CNTNAP4: variants seen among roughly 807,000 people sequenced by gnomAD.
CNTNAP4 encodes contactin-associated protein-like 4.
CNTNAP4 carries 98 observed loss-of-function variants against 148.4 expected under a neutral mutation model. The observed-to-expected ratio is 0.66, with a 90% CI of 0.56 to 0.78. The LOEUF is 0.78. Ranked by LOEUF, CNTNAP4 falls within the 30% of genes least tolerant of loss-of-function variation. The pLI is 0.00. For missense variants in CNTNAP4, 1,935 were observed against 1,565.6 expected (o/e 1.24, Z -3.98); for synonymous variants, 730 against 565.1 (o/e 1.29, Z -4.14).
intron 3 of CNTNAP4, among the ~76,000 whole-genome samples, chr16:76,363,924 A>G (rs867533487): frequency 7.9e-5 from 12 of 152,120 alleles, no homozygotes; most frequent in Admixed American, 2.6e-4. Context: ...TGTGAGGTGC[A>G]TGTATATTGG....
intron 3 of CNTNAP4, among the ~76,000 whole-genome samples, chr16:76,396,212 G>A (rs1449118768): frequency 6.6e-6 from 1 of 152,170 alleles, no homozygotes; most frequent in Non-Finnish European, 1.5e-5. Context: ...TCAAGGGGAT[G>A]ACTTCACTTG....
At chr16:76,328,100 A>G (rs909233447) in intron 2 of CNTNAP4, among the ~76,000 whole-genome samples, 1 of 152,246 alleles carries the variant, frequency 6.6e-6, no homozygotes, top group African/African-American at 2.4e-5. Flanking sequence ...TCAAGGAAGT[A>G]GATCATAATT....
At chr16:76,489,249 C>T (rs2082127531) in intron 12 of CNTNAP4, among the ~76,000 whole-genome samples, 1 of 151,906 alleles carries the variant, frequency 6.6e-6, no homozygotes, top group Non-Finnish European at 1.5e-5. Flanking sequence ...ATTGTGATAT[C>T]ATTGGATTTT....
intron 19 of CNTNAP4, 22 bp downstream of exon 19, chr16:76,538,362 G>C (rs1287229561): frequency 5.2e-6 from 8 of 1,530,062 alleles, no homozygotes; most frequent in Non-Finnish European, 7.2e-6. Context: ...TTAGATGAGA[G>C]AGAGAAAATT....
intron 9 of CNTNAP4, among the ~76,000 whole-genome samples, chr16:76,465,282 C>G (rs1413478207): frequency 6.6e-6 from 1 of 152,140 alleles, no homozygotes; most frequent in Non-Finnish European, 1.5e-5. Flanking sequence ...GAGCTTCTCT[C>G]TGGTATTGCA....
chr16:76,560,234 A>G lies in CNTNAP4; in HGVS notation c.*1551A>G, dbSNP rs1332449556. 6.6e-6 allele frequency among the ~76,000 whole-genome samples: 1 copy of G among 152,188 alleles called. No homozygotes were observed. The highest frequency in any genetic ancestry group is 2.1e-4 in the South Asian group (1 of 4,828). ...TTGTCTACACCAGAAGAATCGGGAA[A>G]TATGTAAATTTAGCATTACTATCAT... On this transcript the variant is annotated 3_prime_UTR_variant, in exon 24 of 24. Coordinates refer to ENST00000611870, the MANE Select transcript of CNTNAP4 (RefSeq NM_033401.5).
At chr16:76,501,561 G>C (rs1342114034) in intron 15 of CNTNAP4, among the ~76,000 whole-genome samples, 1 of 152,106 alleles carries the variant, frequency 6.6e-6, no homozygotes, top group Admixed American at 6.5e-5. Flanking sequence ...GGCAGTGTTC[G>C]GAGACATTGT....
intron 1 of CNTNAP4, among the ~76,000 whole-genome samples, chr16:76,300,680 TGTA>T (rs1959865657): frequency 6.6e-6 from 1 of 152,204 alleles, no homozygotes; most frequent in Non-Finnish European, 1.5e-5. Context: ...CTCACAAAGT[TGTA>T]GTAAAGATTT....
At chr16:76,528,974 G>T (rs755376278) in intron 17 of CNTNAP4, among the ~76,000 whole-genome samples, 3 of 152,150 alleles carry the variant, frequency 2.0e-5, no homozygotes, top group Non-Finnish European at 1.5e-5. Context: ...AGGATGTCAT[G>T]CAAAGTAAAG....
At chr16:76,408,751 AT>A (rs559307483) in intron 3 of CNTNAP4, among the ~76,000 whole-genome samples, 1 of 151,954 alleles carries the variant, frequency 6.6e-6, no homozygotes, top group Non-Finnish European at 1.5e-5. Flanking sequence ...TATTATTACT[AT>A]TTTTTTAACA....
intron 8 of CNTNAP4, among the ~76,000 whole-genome samples, chr16:76,458,358 G>T (rs996622528): frequency 6.6e-6 from 1 of 152,078 alleles, no homozygotes; most frequent in African/African-American, 2.4e-5. Flanking sequence ...AATGTTGGGG[G>T]ATGGTTTCAG....
chr16:76,376,380 C>A (rs1056719750), intron 3 of CNTNAP4, among the ~76,000 whole-genome samples: 5 of 152,128 alleles, frequency 3.3e-5, no homozygotes, highest in African/African-American at 9.6e-5. Context: ...AAAGGCCATT[C>A]GAGAGCGTAT....
chr16:76,288,061 C>T (rs757535367), intron 1 of CNTNAP4, among the ~76,000 whole-genome samples: 16 of 152,038 alleles, frequency 1.1e-4, no homozygotes, highest in South Asian at 2.1e-4. Context: ...ATAACTCCCA[C>T]GTGTCAAGGA....
Position 76,448,262 on chromosome 16 carries a change from C to T in CNTNAP4, c.742+47C>T, listed in dbSNP as rs371674707. Reference sequence around the variant, plus strand: ...CTCAAAAATCTGATTATTTAGATATCACCTAAGTCACTTTATGCTTTTATA... The same window carrying T: ...CTCAAAAATCTGATTATTTAGATATTACCTAAGTCACTTTATGCTTTTATA... On this transcript the variant is annotated intron_variant, in intron 5 of 23. Coordinates refer to ENST00000611870, the MANE Select transcript of CNTNAP4 (RefSeq NM_033401.5). 19 of 1,326,358 alleles carry T rather than the reference C, an allele frequency of 1.4e-5. 1 individual carries two copies. The African/African-American group carries it at 2.6e-4, about 18-fold the overall frequency. 82.2% of individuals were successfully genotyped at this position (1,326,358 alleles called of 1,614,324 possible).
intron 8 of CNTNAP4, among the ~76,000 whole-genome samples, chr16:76,459,781 C>T (rs2080869648): frequency 6.6e-6 from 1 of 152,060 alleles, no homozygotes; most frequent in African/African-American, 2.4e-5. Context: ...TGGATGTAAA[C>T]CTGACTGGTA....
intron 3 of CNTNAP4, among the ~76,000 whole-genome samples, chr16:76,397,335 C>G (rs185012818): frequency 1.3e-5 from 2 of 151,812 alleles, no homozygotes; most frequent in African/African-American, 4.8e-5. Context: ...TAGTGATCCC[C>G]GAGCTACCAA....
rs201335424 is a variant in CNTNAP4 at position 76,303,863 on chromosome 16, C to CT, written c.86-12541dup. 2.8e-3 allele frequency among the ~76,000 whole-genome samples: 416 copies of CT among 151,020 alleles called. 3 individuals carry two copies. The highest frequency in any genetic ancestry group is 9.3e-3 in the African/African-American group (385 of 41,246). Reference sequence around the variant, plus strand: ...TTTTTAAGTAATTCAGTAAAATCCCCTTTTTTTTTAAGAGGGAAGGATAGC... The same window carrying CT: ...TTTTTAAGTAATTCAGTAAAATCCCCTTTTTTTTTTAAGAGGGAAGGATAGC... On this transcript the variant is annotated intron_variant, in intron 1 of 23. Transcript: ENST00000611870.
Position 76,392,061 on chromosome 16 carries a change from G to A in CNTNAP4, c.391-35391G>A, listed in dbSNP as rs1022358415. ...GCTGGAGTGAAGTGGCACAATCTCG[G>A]CTCACTGCAACGAGTTCTGCCTCCC... On this transcript the variant is annotated intron_variant, in intron 3 of 23. Coordinates refer to ENST00000611870, the MANE Select transcript of CNTNAP4 (RefSeq NM_033401.5). 2.0e-5 allele frequency among the ~76,000 whole-genome samples: 3 copies of A among 152,132 alleles called. No homozygotes were observed. In the East Asian group the frequency reaches 5.8e-4, roughly 29 times the overall value.
chr16:76,296,848 C>T (rs921887003), intron 1 of CNTNAP4, among the ~76,000 whole-genome samples: 1 of 152,148 alleles, frequency 6.6e-6, no homozygotes, highest in African/African-American at 2.4e-5. Context: ...ATTGCCCCTC[C>T]AGAGAGCTTT....
Sources: allele counts gnomAD v4.1 joint callset (sites outside exome capture counted in the v4.1 genomes callset), GRCh38; gene constraint gnomAD v4.1.1; transcripts MANE v1.5; gene names NCBI Gene and HGNC (gene_info 2026-07-23, HGNC 2026-07-21).